Variants in DNAI7 observed in about 807,000 individuals in gnomAD.
DNAI7 encodes the protein dynein axonemal intermediate chain 7.
DNAI7 carries 78 observed loss-of-function variants against 86.6 expected under a neutral mutation model. The ratio of observed to expected loss-of-function variants is 0.90; its 90% CI spans 0.75 to 1.09. The LOEUF is 1.09. Among genes scored for constraint, DNAI7 ranks in the 50% least tolerant of loss-of-function variants. The pLI is 0.00. For synonymous variants in DNAI7, 274 were observed against 273.0 expected (o/e 1.00, Z -0.04); for missense variants, 753 against 810.2 (o/e 0.93, Z 0.86).
chr12:25,161,502 A>C (rs1312740150), intron 2 of DNAI7, among the ~76,000 whole-genome samples: 2 of 152,184 alleles, frequency 1.3e-5, no homozygotes, highest in Non-Finnish European at 2.9e-5. Flanking sequence ...GCTAAAGAAA[A>C]CCTCATCTTG....
Position 25,144,630 on chromosome 12 carries a change from G to C in DNAI7, c.737C>G (p.Pro246Arg), listed in dbSNP as rs1944598716. 1.2e-6 allele frequency: 2 copies of C among 1,613,648 alleles called. No homozygotes were observed. The highest frequency in any genetic ancestry group is 1.1e-5 in the South Asian group (1 of 91,002). Residue 246 changes from proline to arginine, a missense_variant, in exon 9 of 16, where the codon CCA (proline) becomes CGA (arginine). Physicochemically the swap from Pro to Arg is moderately radical, Grantham distance 103. Coordinates refer to ENST00000395987, the MANE Select transcript of DNAI7 (RefSeq NM_018272.5). Reference protein sequence around the residue: ...FSETQIGFEIPRILATSDIAV... With the variant: ...FSETQIGFEIRRILATSDIAV... ...AATGTCACTTGTTGCTAATATCCTT[G>C]GAATCTCAAATCCAATTTGTGTTTC...
intron 9 of DNAI7, among the ~76,000 whole-genome samples, chr12:25,125,840 T>C (rs1043778789): frequency 6.6e-6 from 1 of 152,192 alleles, no homozygotes; most frequent in African/African-American, 2.4e-5. Flanking sequence ...TAGCCAGTTA[T>C]CCCAGAACCA....
intron 2 of DNAI7, among the ~76,000 whole-genome samples, chr12:25,177,768 A>G (rs1338540329): frequency 2.0e-5 from 3 of 152,186 alleles, no homozygotes; most frequent in African/African-American, 4.8e-5. Context: ...ATTATTTCAA[A>G]TTTACACTCC....
In DNAI7 at chr12:25,133,261, T is replaced by C. The variant is rs528974011; in HGVS notation, c.1003-9975A>G. Among the ~76,000 whole-genome samples the C allele has an allele frequency of 9.2e-5, 14 of 152,258 alleles. No individual in the cohort carries two copies. In the East Asian group the frequency reaches 2.5e-3, roughly 27 times the overall value. Reference sequence around the variant, plus strand: ...GTTATATCAAACTCATCCTGTCCATTCTCGACTTCGAGTTTCTTTTATATA... The same window carrying C: ...GTTATATCAAACTCATCCTGTCCATCCTCGACTTCGAGTTTCTTTTATATA... On this transcript the variant is annotated intron_variant, in intron 9 of 15. Coordinates refer to ENST00000395987, the MANE Select transcript of DNAI7 (RefSeq NM_018272.5).
At chr12:25,143,861 A>AAGCT (rs1465888511) in intron 9 of DNAI7, among the ~76,000 whole-genome samples, 1 of 152,226 alleles carries the variant, frequency 6.6e-6, no homozygotes, top group Non-Finnish European at 1.5e-5. Context: ...AAAAGAGAAG[A>AAGCT]AGCTAACTAA....
At chr12:25,112,267 AC>A (rs773443984) in intron 13 of DNAI7, among the ~76,000 whole-genome samples, 1 of 152,208 alleles carries the variant, frequency 6.6e-6, no homozygotes, top group Non-Finnish European at 1.5e-5. Context: ...TTATTAGATA[AC>A]AATTATGATT....
chr12:25,148,385 G>A (rs1187274408), intron 7 of DNAI7, among the ~76,000 whole-genome samples: 3 of 152,028 alleles, frequency 2.0e-5, no homozygotes, highest in Non-Finnish European at 4.4e-5. Context: ...GAACTTGATC[G>A]CTTGCTTAAG....
chr12:25,134,294 C>T (rs944767316), intron 9 of DNAI7, among the ~76,000 whole-genome samples: 7 of 151,628 alleles, frequency 4.6e-5, no homozygotes, highest in South Asian at 2.1e-4. Flanking sequence ...TTGAACATAG[C>T]CTCAAATTTG....
intron 8 of DNAI7, among the ~76,000 whole-genome samples, chr12:25,146,171 G>A (rs1179603493): frequency 1.3e-5 from 2 of 151,120 alleles, no homozygotes; most frequent in East Asian, 1.9e-4. Context: ...GCAGTGAGCC[G>A]AGATTGCGCC....
chr12:25,164,123 C>G (rs1947153268), intron 2 of DNAI7, among the ~76,000 whole-genome samples: 1 of 152,100 alleles, frequency 6.6e-6, no homozygotes, highest in Non-Finnish European at 1.5e-5. Flanking sequence ...CCCCTTCTCT[C>G]CGTGTCTCTA....
intron 11 of DNAI7, among the ~76,000 whole-genome samples, chr12:25,121,121 C>G (rs937424559): frequency 6.6e-6 from 1 of 152,170 alleles, no homozygotes; most frequent in Non-Finnish European, 1.5e-5. Context: ...AGCCTTACCT[C>G]CAGGGTTTCG....
chr12:25,169,489 G>C (rs1309414564), intron 2 of DNAI7, among the ~76,000 whole-genome samples: 2 of 152,162 alleles, frequency 1.3e-5, no homozygotes, highest in Non-Finnish European at 2.9e-5. Flanking sequence ...AGCCTGTTTG[G>C]TGGTCTCTTC....
At chr12:25,135,159 T>G (rs1378184561) in intron 9 of DNAI7, among the ~76,000 whole-genome samples, 1 of 152,142 alleles carries the variant, frequency 6.6e-6, no homozygotes, top group Non-Finnish European at 1.5e-5. Flanking sequence ...GTGTCCAAAG[T>G]GTGAGGGGGG....
chr12:25,123,247 G>A lies in DNAI7; in HGVS notation c.1042C>T (p.Arg348Ter), dbSNP rs201636727. The A allele has an allele frequency of 1.0e-4, 167 of 1,606,150 alleles. No individual in the cohort carries two copies. The East Asian group carries it at 2.4e-3, about 23-fold the overall frequency. The change falls in exon 10 of 16, where the codon CGA (arginine) becomes TGA (stop). Residue 348 changes from arginine to a stop codon, truncating the protein, a stop_gained. Transcript: ENST00000395987. LOFTEE classifies it high-confidence loss of function. ...GTTTCACTTAATACTTTCATCTCTCGTTCACATTTTATGGCTTCAGATTCT... is the reference window on the plus strand; with the variant it reads ...GTTTCACTTAATACTTTCATCTCTCATTCACATTTTATGGCTTCAGATTCT... ...EEESEAIKCE[R>*]EMKVLSETVS... is the part of the protein sequence containing the mutation.
intron 9 of DNAI7, among the ~76,000 whole-genome samples, chr12:25,133,702 A>G (rs1363895531): frequency 6.6e-6 from 1 of 152,214 alleles, no homozygotes; most frequent in Non-Finnish European, 1.5e-5. Context: ...GCACAGATAC[A>G]TAAGCATAAG....
intron 9 of DNAI7, among the ~76,000 whole-genome samples, chr12:25,129,669 C>T (rs11832201): frequency 0.01 from 1,541 of 152,272 alleles, 31 homozygotes; most frequent in African/African-American, 0.035. Context: ...TAAACTTCTC[C>T]ATGCTACACC....
At chr12:25,142,540 AATT>A (rs67864371) in intron 9 of DNAI7, among the ~76,000 whole-genome samples, 103,462 of 151,500 alleles carry the variant, frequency 0.68, 39,360 homozygotes, top group East Asian at 0.99. Flanking sequence ...AACTATAATT[AATT>A]ATTACTACAT....
chr12:25,176,170 T>A (rs1158841073), intron 2 of DNAI7, among the ~76,000 whole-genome samples: 2 of 152,182 alleles, frequency 1.3e-5, no homozygotes, highest in Non-Finnish European at 2.9e-5. Flanking sequence ...AATAAAAATG[T>A]TAATCTGTTT....
chr12:25,119,046 G>T (rs1592220465), intron 12 of DNAI7, 99 bp downstream of exon 12: 4 of 910,146 alleles, frequency 4.4e-6, no homozygotes, highest in African/African-American at 1.7e-5. Context: ...ATAGAAATAT[G>T]TAAGATAGTA....
Sources: allele counts gnomAD v4.1 joint callset (sites outside exome capture counted in the v4.1 genomes callset), GRCh38; gene constraint gnomAD v4.1.1; transcripts MANE v1.5; gene names NCBI Gene and HGNC (gene_info 2026-07-23, HGNC 2026-07-21).